The following RPN2 variants were observed in gnomAD, a reference collection of about 807,000 sequenced individuals.
RPN2 encodes the protein ribophorin II, also known as dolichyl-diphosphooligosaccharide--protein glycosyltransferase subunit 2.
In RPN2, 29 loss-of-function variants were observed where a neutral mutation model predicts 71.4. The ratio of observed to expected loss-of-function variants is 0.41; its 90% CI spans 0.30 to 0.55. The LOEUF is 0.55. RPN2 is among the 20% of genes least tolerant of loss of function. The pLI is 0.35. For missense variants in RPN2, 726 were observed against 774.1 expected, an observed-to-expected ratio of 0.94 and a Z score of 0.74; for synonymous variants, 308 against 305.0, an observed-to-expected ratio of 1.01 and a Z score of -0.10.
chr20:37,236,148 C>T (rs2068381997), intron 15 of RPN2, among the ~76,000 whole-genome samples: 1 of 152,018 alleles, frequency 6.6e-6, no homozygotes, highest in African/African-American at 2.4e-5. Context: ...GGCTGAAGTA[C>T]AGTGGTGTGA....
intron 2 of RPN2, among the ~76,000 whole-genome samples, chr20:37,191,556 A>C (rs1484221976): frequency 6.6e-6 from 1 of 151,772 alleles, no homozygotes; most frequent in African/African-American, 2.4e-5. Context: ...TCACGAGGTC[A>C]GGCAATCAAG....
intron 13 of RPN2, among the ~76,000 whole-genome samples, chr20:37,230,777 T>C (rs1230987481): frequency 6.6e-6 from 1 of 152,094 alleles, no homozygotes. Flanking sequence ...AGTAGGATTG[T>C]TTTCAAAACT....
chr20:37,199,279 G>A, intron 4 of RPN2, 54 bp downstream of exon 4: 2 of 1,600,516 alleles, frequency 1.2e-6, no homozygotes, highest in Admixed American at 3.4e-5. Context: ...GGTCCTATCC[G>A]AAGAGGGCTC....
intron 2 of RPN2, among the ~76,000 whole-genome samples, chr20:37,193,523 A>C (rs1171424209): frequency 6.6e-6 from 1 of 152,186 alleles, no homozygotes. Context: ...TCTGTTTCCA[A>C]TGAGCAATAT....
intron 8 of RPN2, among the ~76,000 whole-genome samples, chr20:37,212,007 G>A (rs1358201429): frequency 6.6e-6 from 1 of 152,110 alleles, no homozygotes; most frequent in Non-Finnish European, 1.5e-5. Flanking sequence ...GTGACCTCAG[G>A]TGATCCTCCC....
At position 37,207,128 on chromosome 20, in the gene RPN2, T is replaced by C. The variant is rs1014864026; in HGVS notation, c.691-145T>C. On this transcript the variant is annotated intron_variant, in intron 6 of 16. Coordinates refer to ENST00000237530, the MANE Select transcript of RPN2 (RefSeq NM_002951.5). ...GTTTAAATGCAGAATATTTGCGTTT[T>C]CTCCATCTACGAATTTGGATCATTG... The C allele has an allele frequency of 8.6e-5, 59 of 683,976 alleles. No individual in the cohort carries two copies. The African/African-American group carries it at 9.9e-4, about 11-fold the overall frequency. 42.4% of individuals were successfully genotyped at this position (683,976 alleles called of 1,614,324 possible). A position where few individuals can be genotyped will look rare whatever the true frequency, so the allele number is the denominator to read the frequency against.
chr20:37,236,049 C>T (rs894620712), intron 15 of RPN2, among the ~76,000 whole-genome samples: 4 of 151,944 alleles, frequency 2.6e-5, no homozygotes, highest in Non-Finnish European at 5.9e-5. Flanking sequence ...TAGTTGTAAG[C>T]AGGAACATGG....
chr20:37,206,416 T>G (rs1275363121), intron 6 of RPN2, among the ~76,000 whole-genome samples: 1 of 152,178 alleles, frequency 6.6e-6, no homozygotes, highest in Non-Finnish European at 1.5e-5. Flanking sequence ...GATTTTCTTG[T>G]AGAAGGACTT....
intron 9 of RPN2, among the ~76,000 whole-genome samples, chr20:37,218,782 G>T (rs1216973406): frequency 6.6e-5 from 10 of 151,946 alleles, no homozygotes; most frequent in African/African-American, 2.4e-4. Context: ...TACCTTTTGT[G>T]TCTGGCTTTT....
At chr20:37,195,097 T>G (rs2067225817) in intron 2 of RPN2, among the ~76,000 whole-genome samples, 1 of 151,464 alleles carries the variant, frequency 6.6e-6, no homozygotes, top group Non-Finnish European at 1.5e-5. Context: ...AGATCGGGGG[T>G]GGACATTTAG....
intron 2 of RPN2, among the ~76,000 whole-genome samples, chr20:37,185,378 C>T (rs910297847): frequency 3.3e-5 from 5 of 151,896 alleles, no homozygotes; most frequent in Non-Finnish European, 5.9e-5. Context: ...CTCAAGTGAT[C>T]CACCTGCCTC....
chr20:37,237,975 T>C (rs778543578), intron 16 of RPN2, among the ~76,000 whole-genome samples: 25 of 152,138 alleles, frequency 1.6e-4, no homozygotes, highest in Middle Eastern at 3.2e-3. Flanking sequence ...GAGGATCGCT[T>C]GAGCTCAGGA....
intron 8 of RPN2, among the ~76,000 whole-genome samples, chr20:37,212,946 AT>A: frequency 6.6e-6 from 1 of 152,302 alleles, no homozygotes; most frequent in South Asian, 2.1e-4. Context: ...AGACATTGAG[AT>A]TTTACTATAT....
chr20:37,186,881 T>G (rs2067020309), intron 2 of RPN2, among the ~76,000 whole-genome samples: 1 of 152,240 alleles, frequency 6.6e-6, no homozygotes, highest in South Asian at 2.1e-4. Context: ...TGTATCTTCA[T>G]GATGTTTTTG....
At chr20:37,182,728 C>A in intron 1 of RPN2, among the ~76,000 whole-genome samples, 1 of 152,156 alleles carries the variant, frequency 6.6e-6, no homozygotes, top group East Asian at 1.9e-4. Context: ...CTAGTTCAAG[C>A]TTAATTTAAC....
At chr20:37,199,275 ATCC>A in intron 4 of RPN2, 50 bp downstream of exon 4, 2 of 1,603,700 alleles carry the variant, frequency 1.2e-6, no homozygotes, top group Non-Finnish European at 1.7e-6. Flanking sequence ...CTCGGGTCCT[ATCC>A]GAAGAGGGCT....
At position 37,184,162 on chromosome 20, in the gene RPN2, T is replaced by A. The variant is rs750576659; in HGVS notation, c.14-18T>A. On this transcript the variant is annotated intron_variant, in intron 1 of 16. Coordinates refer to ENST00000237530, the MANE Select transcript of RPN2 (RefSeq NM_002951.5). Reference sequence around the variant, plus strand: ...TTGGAAGAGTGTAGAGTGTACTGAATGGTTGTTTCCCCCCAAGGTTCAAGC... The same window carrying A: ...TTGGAAGAGTGTAGAGTGTACTGAAAGGTTGTTTCCCCCCAAGGTTCAAGC... 1.2e-6 allele frequency: 2 copies of A among 1,613,936 alleles called. No individual in the cohort carries two copies. The highest frequency in any genetic ancestry group is 1.7e-6 in the Non-Finnish European group (2 of 1,179,940).
intron 9 of RPN2, among the ~76,000 whole-genome samples, chr20:37,221,764 A>C (rs929862891): frequency 3.3e-5 from 5 of 152,172 alleles, no homozygotes; most frequent in African/African-American, 1.2e-4. Flanking sequence ...TACCTCTCCC[A>C]AAATTGGAGG....
chr20:37,229,775 A>T (rs2068187532), intron 12 of RPN2, 198 bp from the exon 13 acceptor site: 1 of 626,742 alleles, frequency 1.6e-6, no homozygotes, highest in African/African-American at 1.8e-5. Context: ...CTTGCTCTAA[A>T]AAGCATTTTC....
Sources: gnomAD v4.1 joint callset for allele counts (sites outside exome capture counted in the v4.1 genomes callset) on GRCh38, gnomAD v4.1.1 for gene constraint, MANE v1.5 for transcripts, NCBI Gene and HGNC (gene_info 2026-07-23, HGNC 2026-07-21) for gene names.